ZNF708: variants seen among roughly 807,000 people sequenced by gnomAD.
ZNF708 encodes zinc finger protein 708.
A neutral mutation model predicts 47.0 loss-of-function variants in ZNF708; 44 were observed. That is an observed-to-expected ratio of 0.94 (90% CI 0.74 to 1.20). ZNF708 has a LOEUF of 1.20. ZNF708 is among the 50% of genes most tolerant of loss of function. The pLI, the probability that ZNF708 is intolerant of heterozygous loss-of-function variation, is 0.00. For synonymous variants in ZNF708, 184 were observed against 218.5 expected (o/e 0.84, Z 1.39); for missense variants, 557 against 656.0 (o/e 0.85, Z 1.65).
At chr19:21,306,364 T>C (rs1263727032) in intron 3 of ZNF708, among the ~76,000 whole-genome samples, 1 of 152,030 alleles carries the variant, frequency 6.6e-6, no homozygotes, top group Non-Finnish European at 1.5e-5. Flanking sequence ...TATAAACAAC[T>C]CTTAAAACTG....
At chr19:21,315,045 A>G (rs1386696522) in intron 1 of ZNF708, among the ~76,000 whole-genome samples, 2 of 152,218 alleles carry the variant, frequency 1.3e-5, no homozygotes, top group Admixed American at 1.3e-4. Context: ...AAGGAAGGAC[A>G]AGAATATTGT....
chr19:21,300,487 C>T (rs541674840), intron 3 of ZNF708, among the ~76,000 whole-genome samples: 3 of 138,938 alleles, frequency 2.2e-5, no homozygotes, highest in Non-Finnish European at 4.6e-5. Context: ...GCCTGGACAA[C>T]AAGAACGAAA....
At chr19:21,307,352 G>A (rs1568349554) in intron 3 of ZNF708, among the ~76,000 whole-genome samples, 4 of 151,920 alleles carry the variant, frequency 2.6e-5, no homozygotes, top group South Asian at 4.1e-4. Context: ...TTGTCTGGGC[G>A]AAGTGGCTCA....
intron 2 of ZNF708, among the ~76,000 whole-genome samples, chr19:21,309,627 G>A (rs1972856332): frequency 6.6e-6 from 1 of 152,092 alleles, no homozygotes; most frequent in African/African-American, 2.4e-5. Context: ...AGAATCACTA[G>A]AACCCAGGAG....
At chr19:21,297,881 T>C (rs1331774836) in intron 3 of ZNF708, among the ~76,000 whole-genome samples, 2 of 151,992 alleles carry the variant, frequency 1.3e-5, no homozygotes, top group East Asian at 1.9e-4. Flanking sequence ...TTTAACAACA[T>C]GTACTTTAAG....
chr19:21,315,444 A>G (rs1359163818), intron 1 of ZNF708, among the ~76,000 whole-genome samples: 1 of 152,224 alleles, frequency 6.6e-6, no homozygotes, highest in Non-Finnish European at 1.5e-5. Context: ...TACAGAAAGC[A>G]AAGTACAATC....
chr19:21,299,523 G>T (rs1463826706), intron 3 of ZNF708, among the ~76,000 whole-genome samples: 2 of 151,528 alleles, frequency 1.3e-5, no homozygotes, highest in African/African-American at 4.9e-5. Flanking sequence ...GGCTGAGACA[G>T]ATGGGTCACT....
chr19:21,321,928 G>T (rs12985063), intron 1 of ZNF708, among the ~76,000 whole-genome samples: 5 of 152,038 alleles, frequency 3.3e-5, no homozygotes, highest in African/African-American at 2.4e-5. Context: ...GTGCAATATA[G>T]ATGGAAGGAC....
At chr19:21,321,282 G>A (rs1973130128) in intron 1 of ZNF708, among the ~76,000 whole-genome samples, 1 of 151,834 alleles carries the variant, frequency 6.6e-6, no homozygotes, top group Admixed American at 6.6e-5. Context: ...CCTACTTGAG[G>A]GTGGAAGGTG....
chr19:21,324,174 G>A (rs973957752), intron 1 of ZNF708, among the ~76,000 whole-genome samples: 1 of 152,118 alleles, frequency 6.6e-6, no homozygotes, highest in Non-Finnish European at 1.5e-5. Context: ...AACCCGGGAG[G>A]TGGACCTTGC....
At chr19:21,320,874 G>C (rs1361119031) in intron 1 of ZNF708, among the ~76,000 whole-genome samples, 1 of 152,006 alleles carries the variant, frequency 6.6e-6, no homozygotes, top group Non-Finnish European at 1.5e-5. Context: ...GGGCGCGGTG[G>C]CTCACGCCTG....
At chr19:21,328,062 C>A (rs760100235) in intron 1 of ZNF708, 2 of 983,192 alleles carry the variant, frequency 2.0e-6, no homozygotes, top group Non-Finnish European at 2.4e-6. Flanking sequence ...CCAGACAGTA[C>A]TGAAACCCAG....
chr19:21,319,314 G>C lies in ZNF708; in HGVS notation c.4-8687C>G, dbSNP rs78612543. Among the ~76,000 whole-genome samples, 507 of 152,178 alleles carry C rather than the reference G, an allele frequency of 3.3e-3. 4 individuals carry two copies. The highest frequency in any genetic ancestry group is 0.011 in the African/African-American group (473 of 41,518). ...TTGTTTTTGCAGTGTAAGTACTTCA[G>C]CCTGCAAATATTAGATAATTACTTT... On this transcript the variant is annotated intron_variant, in intron 1 of 3. Transcript: ENST00000356929.
intron 3 of ZNF708, among the ~76,000 whole-genome samples, chr19:21,307,150 A>T (rs62107466): frequency 0.17 from 22,635 of 132,720 alleles, 2,042 homozygotes; most frequent in Non-Finnish European, 0.22. Context: ...AAATAAAATA[A>T]AATATAATAT....
rs1972419555 is a variant in ZNF708, at chr19:21,292,666, T to G, written c.*608A>C. On this transcript the variant is annotated 3_prime_UTR_variant, in exon 4 of 4. Transcript: ENST00000356929. ...TCTTCAAAATAAATACTTTAAAAGCTTATATTTTCTGAAATACTTTTTGAC... is the reference window on the plus strand; with the variant it reads ...TCTTCAAAATAAATACTTTAAAAGCGTATATTTTCTGAAATACTTTTTGAC... 1.3e-5 allele frequency: 2 copies of G among 152,724 alleles called. No individual in the cohort carries two copies. Among genetic ancestry groups the G allele is most frequent in the Admixed American group, 6.5e-5 (1 of 15,324 alleles). 9.5% of individuals were successfully genotyped at this position (152,724 alleles called of 1,614,324 possible). A position where few individuals can be genotyped will look rare whatever the true frequency, so the allele number is the denominator to read the frequency against.
chr19:21,293,815 A>G lies in ZNF708; in HGVS notation c.1151T>C (p.Val384Ala), dbSNP rs546241599. The change falls in exon 4 of 4, where the codon GTA becomes GCA. Residue 384 changes from valine to alanine, a missense_variant. By Grantham distance (64) the Val-to-Ala change is moderately conservative. Transcript: ENST00000356929. ...GTAGGGTTTCTCTCCAGTATGAATT[A>G]CCTTATGATTAGTAAGGTGTGAGGA... ...NRSSHLTNHKVIHTGEKPYKC... is the reference protein window; with the variant it reads ...NRSSHLTNHKAIHTGEKPYKC... 2 of 1,611,696 alleles carry G rather than the reference A, an allele frequency of 1.2e-6. No individual in the cohort carries two copies. Among genetic ancestry groups the G allele is most frequent in the African/African-American group, 1.3e-5 (1 of 74,358 alleles).
At chr19:21,307,749 C>T (rs769825905) in intron 3 of ZNF708, among the ~76,000 whole-genome samples, 24 of 152,142 alleles carry the variant, frequency 1.6e-4, no homozygotes, top group African/African-American at 2.7e-4. Context: ...GTCAATGCTT[C>T]TCTTTTAACA....
At chr19:21,316,243 GC>G (rs1458279848) in intron 1 of ZNF708, among the ~76,000 whole-genome samples, 6 of 145,762 alleles carry the variant, frequency 4.1e-5, no homozygotes, top group Admixed American at 7.0e-5. Flanking sequence ...TCCTGCCTCA[GC>G]CTCCCGAGTA....
At chr19:21,308,833 C>G (rs1455662510) in intron 3 of ZNF708, among the ~76,000 whole-genome samples, 1 of 151,886 alleles carries the variant, frequency 6.6e-6, no homozygotes, top group Non-Finnish European at 1.5e-5. Flanking sequence ...ATGAAATGTG[C>G]AGAAAAATAA....
Sources: gnomAD v4.1 joint callset for allele counts (sites outside exome capture counted in the v4.1 genomes callset) on GRCh38, gnomAD v4.1.1 for gene constraint, MANE v1.5 for transcripts, NCBI Gene and HGNC (gene_info 2026-07-23, HGNC 2026-07-21) for gene names.